The following GRIN2A variants were observed in gnomAD, a reference collection of about 807,000 sequenced individuals.
The protein encoded by GRIN2A is glutamate ionotropic receptor NMDA type subunit 2A.
GRIN2A carries 22 observed loss-of-function variants against 113.4 expected under a neutral mutation model. The ratio of observed to expected loss-of-function variants is 0.19; its 90% CI spans 0.14 to 0.28. GRIN2A has a LOEUF of 0.28. GRIN2A is among the 10% of genes least tolerant of loss of function. The probability of loss-of-function intolerance (pLI) is 1.00; values close to 1 mark genes in which losing one functional copy is unlikely to be tolerated. For missense variants in GRIN2A, 1,502 were observed against 1,887.0 expected (o/e 0.80, Z 3.78); for synonymous variants, 827 against 738.4 (o/e 1.12, Z -1.94).
intron 2 of GRIN2A, among the ~76,000 whole-genome samples, chr16:9,958,430 G>GCA (rs138981657): frequency 1.3e-4 from 20 of 151,442 alleles, no homozygotes; most frequent in Admixed American, 7.2e-4. Flanking sequence ...ACAGACACAT[G>GCA]CACACACACA....
chr16:10,173,839 A>AT (rs1380608492), intron 2 of GRIN2A, among the ~76,000 whole-genome samples: 1 of 152,256 alleles, frequency 6.6e-6, no homozygotes, highest in African/African-American at 2.4e-5. Context: ...AGTTTAAAAA[A>AT]ATATATAAAA....
chr16:9,961,900 A>C (rs1161993500), intron 2 of GRIN2A, among the ~76,000 whole-genome samples: 1 of 152,202 alleles, frequency 6.6e-6, no homozygotes, highest in African/African-American at 2.4e-5. Context: ...ACAGTAACCA[A>C]AACAGCATGG....
intron 10 of GRIN2A, among the ~76,000 whole-genome samples, chr16:9,800,206 C>A (rs1166450238): frequency 3.9e-5 from 6 of 152,074 alleles, no homozygotes. Context: ...AACTCCTGGC[C>A]TCAAGTGATC....
intron 4 of GRIN2A, among the ~76,000 whole-genome samples, chr16:9,853,415 G>A (rs2042917549): frequency 6.6e-6 from 1 of 152,156 alleles, no homozygotes; most frequent in Admixed American, 6.5e-5. Context: ...AGGCCCCAGA[G>A]AGACCCATTG....
rs75841382 is a variant in GRIN2A at position 9,944,153 on chromosome 16, G to A, written c.415-5602C>T. Among the ~76,000 whole-genome samples, 411 of 152,240 alleles carry A rather than the reference G, an allele frequency of 2.7e-3. 2 individuals carry two copies. The highest frequency in any genetic ancestry group is 6.7e-3 in the Admixed American group (102 of 15,302). ...GAAATAATGGAGGTAACTCAGCAAC[G>A]ATCCAGAGAGACTCCTGGGGAATTT... On this transcript the variant is annotated intron_variant, in intron 2 of 12. Coordinates refer to ENST00000330684, the MANE Select transcript of GRIN2A (RefSeq NM_001134407.3).
At chr16:9,964,575 C>T (rs2045513303) in intron 2 of GRIN2A, among the ~76,000 whole-genome samples, 2 of 152,174 alleles carry the variant, frequency 1.3e-5, no homozygotes, top group South Asian at 4.1e-4. Context: ...TTTCCGGAGG[C>T]CGTAGGGGAG....
chr16:9,972,584 A>T (rs768762484), intron 2 of GRIN2A, among the ~76,000 whole-genome samples: 1 of 152,220 alleles, frequency 6.6e-6, no homozygotes, highest in Non-Finnish European at 1.5e-5. Context: ...AAAAAAGAAC[A>T]TTTAGAAATG....
At chr16:9,767,618 CA>C (rs1162367683) in intron 12 of GRIN2A, among the ~76,000 whole-genome samples, 2 of 150,386 alleles carry the variant, frequency 1.3e-5, no homozygotes, top group Admixed American at 1.3e-4. Flanking sequence ...AAAAAACAAA[CA>C]AAAAAACAAG....
At chr16:10,084,241 C>T (rs568937508) in intron 2 of GRIN2A, among the ~76,000 whole-genome samples, 10 of 152,324 alleles carry the variant, frequency 6.6e-5, no homozygotes, top group African/African-American at 2.4e-4. Context: ...CTACTAAGAA[C>T]CAAATGTTGT....
chr16:9,767,672 T>C (rs559320565), intron 12 of GRIN2A, among the ~76,000 whole-genome samples: 194 of 152,202 alleles, frequency 1.3e-3, no homozygotes, highest in African/African-American at 4.5e-3. Context: ...GATGGATGCA[T>C]AGATGGCTGA....
intron 2 of GRIN2A, among the ~76,000 whole-genome samples, chr16:10,011,348 G>A (rs2046501213): frequency 6.6e-6 from 1 of 152,164 alleles, no homozygotes; most frequent in South Asian, 2.1e-4. Flanking sequence ...CCTGAGTTGT[G>A]ACTCTTAAGA....
intron 2 of GRIN2A, among the ~76,000 whole-genome samples, chr16:9,986,454 C>A (rs1297876781): frequency 3.3e-5 from 5 of 151,960 alleles, no homozygotes; most frequent in South Asian, 2.1e-4. Flanking sequence ...TGTACAATAA[C>A]CAAAAGGCTC....
intron 3 of GRIN2A, among the ~76,000 whole-genome samples, chr16:9,895,402 G>T (rs192321060): frequency 6.6e-6 from 1 of 152,202 alleles, no homozygotes; most frequent in African/African-American, 2.4e-5. Flanking sequence ...AATAAGTTGG[G>T]GGCAAGTGGG....
chr16:9,891,428 C>G (rs777293613), intron 3 of GRIN2A, among the ~76,000 whole-genome samples: 1 of 152,216 alleles, frequency 6.6e-6, no homozygotes, highest in African/African-American at 2.4e-5. Flanking sequence ...AAGCTGCTTG[C>G]TCATAAACCA....
intron 2 of GRIN2A, among the ~76,000 whole-genome samples, chr16:9,945,149 C>T (rs967453808): frequency 3.3e-5 from 5 of 152,004 alleles, no homozygotes; most frequent in Admixed American, 6.6e-5. Flanking sequence ...CAGAGTAAGA[C>T]CCATCTCAAA....
At chr16:9,774,487 CTACTT>C (rs1377261428) in intron 11 of GRIN2A, among the ~76,000 whole-genome samples, 5 of 152,146 alleles carry the variant, frequency 3.3e-5, no homozygotes, top group Admixed American at 1.3e-4. Flanking sequence ...TCCAGGTACT[CTACTT>C]TAATCTATCC....
intron 2 of GRIN2A, among the ~76,000 whole-genome samples, chr16:9,951,193 T>A (rs1455039132): frequency 6.6e-6 from 1 of 152,138 alleles, no homozygotes; most frequent in Non-Finnish European, 1.5e-5. Flanking sequence ...AGCAGAAGAA[T>A]GCACCCTGAA....
At chr16:10,159,843 C>T (rs555317763) in intron 2 of GRIN2A, among the ~76,000 whole-genome samples, 1 of 152,300 alleles carries the variant, frequency 6.6e-6, no homozygotes, top group South Asian at 2.1e-4. Flanking sequence ...TACAAACTAT[C>T]GTTCTCATTA....
rs1901165888 is a variant in GRIN2A at position 9,770,030 on chromosome 16, TG to T, written c.2357-942del. On this transcript the variant is annotated intron_variant, in intron 11 of 12. Coordinates refer to ENST00000330684, the MANE Select transcript of GRIN2A (RefSeq NM_001134407.3). ...TAAAGAACCAGGTGGTTTTTTCCAA[TG>T]GGGGGAAGAAAAGAGTAGGCATGCT... Among the ~76,000 whole-genome samples the T allele has an allele frequency of 1.3e-5, 2 of 152,126 alleles. 1 individual carries two copies. Among genetic ancestry groups the T allele is most frequent in the South Asian group, 4.2e-4 (2 of 4,818 alleles).
Sources: gnomAD v4.1 joint callset for allele counts (sites outside exome capture counted in the v4.1 genomes callset) on GRCh38, gnomAD v4.1.1 for gene constraint, MANE v1.5 for transcripts, NCBI Gene and HGNC (gene_info 2026-07-23, HGNC 2026-07-21) for gene names.